Variants in HLA-DQB1 observed in about 807,000 individuals in gnomAD.
HLA-DQB1 encodes major histocompatibility complex, class II, DQ beta 1.
HLA-DQB1 carries 13 observed loss-of-function variants against 26.4 expected under a neutral mutation model. The observed-to-expected ratio is 0.49, with a 90% CI of 0.32 to 0.78. The LOEUF (loss-of-function observed/expected upper bound fraction) is 0.78. Ranked by LOEUF, HLA-DQB1 falls within the 30% of genes least tolerant of loss-of-function variation. The probability of loss-of-function intolerance (pLI) is 0.03; values close to 1 mark genes in which losing one functional copy is unlikely to be tolerated. For missense variants in HLA-DQB1, 158 were observed against 326.2 expected, an observed-to-expected ratio of 0.48 and a Z score of 3.97; for synonymous variants, 60 against 129.1, an observed-to-expected ratio of 0.46 and a Z score of 3.63.
Position 32,664,826 on chromosome 6 carries a change from CA to C in HLA-DQB1, c.350del (p.Val117GlyfsTer15), listed in dbSNP as rs1381872974. ...TCCTCTGCAAGATCCCGCGGAACGC[CA>C]CCTCGTAGTTGTGTCTGCACACCGT... is the stretch of plus-strand genomic sequence containing the variant. On this transcript the variant is annotated frameshift_variant, in exon 2 of 5. Transcript: ENST00000434651. LOFTEE classifies it high-confidence loss of function. 1.8e-6 allele frequency: 2 copies of C among 1,093,040 alleles called. 1 individual carries two copies. The highest frequency in any genetic ancestry group is 2.7e-5 in the South Asian group (2 of 73,280). The allele number at this position is 1,093,040 out of a possible 1,614,324, so 67.7% of individuals were successfully genotyped here.
chr6:32,661,521 T>C lies in HLA-DQB1; in HGVS notation c.662-64A>G, dbSNP rs9273705. 4.3e-4 allele frequency: 417 copies of C among 968,136 alleles called. 118 individuals carry two copies. In the East Asian group the frequency reaches 0.014, roughly 32 times the overall value. 60.0% of individuals were successfully genotyped at this position (968,136 alleles called of 1,614,324 possible). On this transcript the variant is annotated intron_variant, in intron 3 of 4. Coordinates refer to ENST00000434651, the Ensembl canonical transcript of HLA-DQB1. The stretch of plus-strand genomic sequence containing the variant: ...CCCCATAGCATCCCTGCTGAGGAGT[T>C]GAAGTCCAGTCTGAGGTGCAGAAGG...
intron 1 of HLA-DQB1, among the ~76,000 whole-genome samples, 163 bp from the exon 2 acceptor site, chr6:32,665,230 G>GCC (rs749576926): frequency 0.039 from 5,241 of 135,574 alleles, 204 homozygotes; most frequent in Admixed American, 0.076. Flanking sequence ...GCTCTGCCCA[G>GCC]CTCTGCCCGC....
At chr6:32,665,885 CT>C (rs1424698292) in intron 1 of HLA-DQB1, among the ~76,000 whole-genome samples, 1 of 113,158 alleles carries the variant, frequency 8.8e-6, no homozygotes, top group African/African-American at 3.1e-5. Context: ...TTACATCCTC[CT>C]TCCTACTAAA....
intron 1 of HLA-DQB1, 30 bp downstream of exon 1, chr6:32,666,469 G>T (rs281860872): frequency 2.5e-6 from 2 of 802,662 alleles, no homozygotes; most frequent in Non-Finnish European, 2.0e-6. Flanking sequence ...CCAGAGTGGC[G>T]GCTCTGGAGA....
exon 2 of HLA-DQB1, chr6:32,664,912 C>T (rs41552812): frequency 0.022 from 29,744 of 1,355,862 alleles, 3,828 homozygotes; most frequent in Middle Eastern, 0.067. Context: ...TACTCGGCAT[C>T]AGGCCGCCCC....
chr6:32,665,349 A>G (rs41263830), intron 1 of HLA-DQB1, among the ~76,000 whole-genome samples: 24,759 of 137,104 alleles, frequency 0.18, 2,984 homozygotes, highest in Middle Eastern at 0.33. Flanking sequence ...GGCTGATTTT[A>G]CATGCACCTC....
intron 1 of HLA-DQB1, 66 bp from the exon 2 acceptor site, chr6:32,665,133 C>G: frequency 1.0e-6 from 1 of 983,448 alleles, no homozygotes. Flanking sequence ...GCCGCCCTGA[C>G]CCGGCCTGGA....
In HLA-DQB1 at chr6:32,666,577, CG is replaced by C; in HGVS notation, c.30del (p.Gly11GlufsTer5). 1.7e-6 allele frequency: 2 copies of C among 1,187,854 alleles called. No homozygotes were observed. Among genetic ancestry groups the C allele is most frequent in the Non-Finnish European group, 1.2e-6 (1 of 823,344 alleles). The allele number at this position is 1,187,854 out of a possible 1,614,324, so 73.6% of individuals were successfully genotyped here. ...GTGACAGTTGCTACCCGAAGGTCTCCGGGGATCCGCAAAGCCTTCTTCCAAG... is the reference window on the plus strand; with the variant it reads ...GTGACAGTTGCTACCCGAAGGTCTCCGGGATCCGCAAAGCCTTCTTCCAAG... On this transcript the variant is annotated frameshift_variant, in exon 1 of 5. Transcript: ENST00000434651. LOFTEE classifies it high-confidence loss of function.
intron 4 of HLA-DQB1, chr6:32,660,803 T>G (rs1782905883): frequency 1.0e-6 from 1 of 981,632 alleles, no homozygotes; most frequent in Non-Finnish European, 1.5e-6. Flanking sequence ...ACTCAGCTCA[T>G]GCTCTTCCCT....
chr6:32,660,545 T>G, intron 4 of HLA-DQB1: 1 of 349,608 alleles, frequency 2.9e-6, no homozygotes, highest in Non-Finnish European at 5.1e-6. Context: ...TAGCAGCCTC[T>G]TTCAGTCACT....
chr6:32,662,378 G>A (rs9274094), intron 2 of HLA-DQB1, 130 bp from the exon 3 acceptor site: 6,001 of 253,110 alleles, frequency 0.024, 511 homozygotes, highest in East Asian at 0.14. Context: ...TTGGATTAAG[G>A]TTCATTCAAC....
chr6:32,660,885 A>G, intron 4 of HLA-DQB1: 6 of 1,521,022 alleles, frequency 3.9e-6, no homozygotes, highest in Non-Finnish European at 5.3e-6. Context: ...TTGAGGTCTT[A>G]CAAAAGGAAG....
At position 32,664,949 on chromosome 6, in the gene HLA-DQB1, C is replaced by A; in HGVS notation, c.228G>T (p.Val76=). The change falls in exon 2 of 5, where the codon GTG becomes GTT. Residue 76 remains valine (V), a synonymous_variant. Coordinates refer to ENST00000434651, the Ensembl canonical transcript of HLA-DQB1. ...GCGGCGTCACCGCGCGGTACACCCCCACGTCGCTGTCGAAGCGCGCGTACT... is the reference window on the plus strand; with the variant it reads ...GCGGCGTCACCGCGCGGTACACCCCAACGTCGCTGTCGAAGCGCGCGTACT... The A allele has an allele frequency of 2.9e-6, 4 of 1,358,412 alleles. No individual in the cohort carries two copies. The South Asian group carries it at 3.6e-5, about 12-fold the overall frequency. The allele number at this position is 1,358,412 out of a possible 1,614,324, so 84.1% of individuals were successfully genotyped here.
rs281863637 is a variant in HLA-DQB1, at chr6:32,662,975, C to G, written c.380-727G>C. On this transcript the variant is annotated intron_variant, in intron 2 of 4. Transcript: ENST00000434651. ...AATATTCTGAGATCCGTGCAGAGGT[C>G]GGCCTGGGCTAATGAGCCTGTAATG... 2 of 135,386 alleles carry G rather than the reference C, an allele frequency of 1.5e-5. 1 individual carries two copies. Among genetic ancestry groups the G allele is most frequent in the African/African-American group, 5.5e-5 (2 of 36,360 alleles). 8.4% of individuals were successfully genotyped at this position (135,386 alleles called of 1,614,324 possible). A position where few individuals can be genotyped will look rare whatever the true frequency, so the allele number is the denominator to read the frequency against.
rs9273914 is a variant in HLA-DQB1 at position 32,661,966 on chromosome 6, C to T, written c.661+1G>A. 20 of 1,536,192 alleles carry T rather than the reference C, an allele frequency of 1.3e-5. No homozygotes were observed. The highest frequency in any genetic ancestry group is 2.0e-5 in the Admixed American group (1 of 50,634). On this transcript the variant is annotated splice_donor_variant, in intron 3 of 4. Coordinates refer to ENST00000434651, the Ensembl canonical transcript of HLA-DQB1. LOFTEE classifies it high-confidence loss of function. ...GTAACAGAAACTCAATATCCCCTTA[C>T]GCCACTCCACGGTGATGGGGCTCTG...
At chr6:32,662,718 T>TC (rs138853936) in intron 2 of HLA-DQB1, 2,262 of 93,362 alleles carry the variant, frequency 0.024, 690 homozygotes, top group South Asian at 0.23. Flanking sequence ...CCTTTCCTTT[T>TC]AGGCCACTTT....
chr6:32,659,624 C>T (rs2151001028), exon 5 of HLA-DQB1: 1 of 151,972 alleles, frequency 6.6e-6, no homozygotes, highest in Middle Eastern at 3.4e-3. Context: ...TTACACAGCA[C>T]TCACCAAACC....
rs71772549 is a variant in HLA-DQB1, at chr6:32,661,117, GACA to G, written c.772+227_772+229del. ...GAAGCTTTTGGAAAGGAGCCAGTGA[GACA>G]ATGATGAATGGTAAGGATGCCCTGG... is the stretch of plus-strand genomic sequence containing the variant. On this transcript the variant is annotated intron_variant, in intron 4 of 4. Transcript: ENST00000434651. 3.9e-4 allele frequency among the ~76,000 whole-genome samples: 50 copies of G among 129,096 alleles called. 2 individuals are homozygous for G. Among genetic ancestry groups the G allele is most frequent in the Middle Eastern group, 3.8e-3 (1 of 260 alleles). 84.7% of individuals were successfully genotyped at this position (129,096 alleles called of 152,430 possible). A position where few individuals can be genotyped will look rare whatever the true frequency, so the allele number is the denominator to read the frequency against.
At chr6:32,661,656 A>G (rs9273768) in intron 3 of HLA-DQB1, 199 bp from the exon 4 acceptor site, 15,030 of 421,978 alleles carry the variant, frequency 0.036, 3,852 homozygotes, top group East Asian at 0.27. Flanking sequence ...GGGGAAGCAA[A>G]TCTCTGCTCT....
Sources: gnomAD v4.1 joint callset for allele counts (sites outside exome capture counted in the v4.1 genomes callset) on GRCh38, gnomAD v4.1.1 for gene constraint, MANE v1.5 for transcripts, NCBI Gene and HGNC (gene_info 2026-07-23, HGNC 2026-07-21) for gene names.